The following DNAI4 variants were observed in gnomAD, a reference collection of about 807,000 sequenced individuals.
DNAI4 encodes the protein dynein axonemal intermediate chain 4.
In DNAI4, 85 loss-of-function variants were observed where a neutral mutation model predicts 105.8. The ratio of observed to expected loss-of-function variants is 0.80; its 90% CI spans 0.67 to 0.96. The LOEUF is 0.96. Among genes scored for constraint, DNAI4 ranks in the 40% least tolerant of loss-of-function variants. The pLI is 0.00. For synonymous variants in DNAI4, 352 were observed against 331.5 expected (o/e 1.06, Z -0.67); for missense variants, 1,014 against 1,005.6 (o/e 1.01, Z -0.11).
At position 66,818,160 on chromosome 1, in the gene DNAI4, CA is replaced by C. The variant is rs1645555907; in HGVS notation, c.2497-3981del. ...GCCATATTGGAATGTCTAACAGAAA[CA>C]TTTGCTTCTTATATAAATGTGTAAT... On this transcript the variant is annotated intron_variant, in intron 16 of 16. Coordinates refer to ENST00000371026, the MANE Select transcript of DNAI4 (RefSeq NM_024763.5). 2.6e-5 allele frequency among the ~76,000 whole-genome samples: 4 copies of C among 151,906 alleles called. No homozygotes were observed. In the South Asian group the frequency reaches 8.3e-4, roughly 32 times the overall value.
At chr1:66,888,397 G>A (rs1647320278) in intron 4 of DNAI4, among the ~76,000 whole-genome samples, 1 of 152,056 alleles carries the variant, frequency 6.6e-6, no homozygotes, top group Non-Finnish European at 1.5e-5. Flanking sequence ...CTTTGTAGTT[G>A]GAATTCACCA....
intron 4 of DNAI4, among the ~76,000 whole-genome samples, chr1:66,889,121 T>TTC (rs1260183026): frequency 6.6e-6 from 1 of 152,178 alleles, no homozygotes; most frequent in African/African-American, 2.4e-5. Context: ...TCCAAACCCT[T>TTC]TCTCTCTCTC....
chr1:66,849,996 C>A (rs1221923446), intron 7 of DNAI4, among the ~76,000 whole-genome samples: 2 of 151,984 alleles, frequency 1.3e-5, no homozygotes, highest in East Asian at 1.9e-4. Context: ...TGAAAAAGTA[C>A]TTAAAGAAAT....
In DNAI4 at chr1:66,921,894, A is replaced by C. The variant is rs1010171114; in HGVS notation, c.170+2768T>G. On this transcript the variant is annotated intron_variant, in intron 1 of 16. Coordinates refer to ENST00000371026, the MANE Select transcript of DNAI4 (RefSeq NM_024763.5). ...AGCAGGTACACAATAAACTTGTAGA[A>C]ATTTTTTTTTTTTTTTTTTTGAGGT... 3.5e-5 allele frequency among the ~76,000 whole-genome samples: 4 copies of C among 113,016 alleles called. No individual in the cohort carries two copies. In the East Asian group the frequency reaches 8.1e-4, roughly 23 times the overall value. 74.1% of individuals were successfully genotyped at this position (113,016 alleles called of 152,430 possible). A position where few individuals can be genotyped will look rare whatever the true frequency, so the allele number is the denominator to read the frequency against.
intron 2 of DNAI4, among the ~76,000 whole-genome samples, chr1:66,897,453 G>T (rs886301596): frequency 6.6e-6 from 1 of 152,204 alleles, no homozygotes; most frequent in Non-Finnish European, 1.5e-5. Flanking sequence ...GAAACCATTT[G>T]CTAAGGAGTT....
At chr1:66,889,327 T>C (rs1647396162) in intron 4 of DNAI4, among the ~76,000 whole-genome samples, 1 of 152,182 alleles carries the variant, frequency 6.6e-6, no homozygotes, top group African/African-American at 2.4e-5. Context: ...GATGGTGCTA[T>C]TGCCCTTCTC....
intron 16 of DNAI4, among the ~76,000 whole-genome samples, chr1:66,814,590 G>C (rs1027328463): frequency 7.2e-5 from 11 of 152,084 alleles, no homozygotes; most frequent in Non-Finnish European, 1.2e-4. Flanking sequence ...GGATGGTCTC[G>C]ATCTCCTGAC....
In DNAI4 at chr1:66,875,855, AAATT is replaced by A. The variant is rs145734446; in HGVS notation, c.644-922_644-919del. Among the ~76,000 whole-genome samples, 1,075 of 152,276 alleles carry A rather than the reference AAATT, an allele frequency of 7.1e-3. 6 individuals are homozygous for A. Among genetic ancestry groups the A allele is most frequent in the African/African-American group, 0.024 (1,014 of 41,574 alleles). On this transcript the variant is annotated intron_variant, in intron 4 of 16. Transcript: ENST00000371026. Reference sequence around the variant, plus strand: ...TCATCAACATTTTTAATGACTAAATAAATTATGATATACCATCTATGACTAATAA... The same window carrying A: ...TCATCAACATTTTTAATGACTAAATAATGATATACCATCTATGACTAATAA...
intron 5 of DNAI4, 150 bp from the exon 6 acceptor site, chr1:66,871,659 G>A: frequency 1.4e-6 from 1 of 723,836 alleles, no homozygotes; most frequent in Non-Finnish European, 2.2e-6. Context: ...CTTAGGAAAA[G>A]ACTGCACTAA....
chr1:66,870,658 A>T (rs143507555), intron 6 of DNAI4: 36 of 135,956 alleles, frequency 2.6e-4, no homozygotes, highest in Admixed American at 2.2e-3. Flanking sequence ...GCTGAGGGGG[A>T]GAATTGCTTG....
chr1:66,924,842 G>C lies in DNAI4; in HGVS notation c.-11C>G, dbSNP rs1651065928. 6.2e-7 allele frequency: 1 copy of C among 1,613,412 alleles called. No homozygotes were observed. ...TTTGCCGGGCGTCATGGCGACGGTG[G>C]AGCCCTGGCTCAACAAGCGGCCGCG... On this transcript the variant is annotated 5_prime_UTR_variant, in exon 1 of 17. Coordinates refer to ENST00000371026, the MANE Select transcript of DNAI4 (RefSeq NM_024763.5).
chr1:66,911,630 CAAAT>C (rs1232939214), intron 1 of DNAI4, among the ~76,000 whole-genome samples: 6 of 152,150 alleles, frequency 3.9e-5, no homozygotes, highest in African/African-American at 1.2e-4. Flanking sequence ...GATCAAAGAC[CAAAT>C]AAATATTTAT....
At chr1:66,914,370 T>C (rs1649909445) in intron 1 of DNAI4, among the ~76,000 whole-genome samples, 2 of 152,192 alleles carry the variant, frequency 1.3e-5, no homozygotes, top group Non-Finnish European at 2.9e-5. Context: ...TCTGTTAAGA[T>C]AAAAACCAGT....
intron 1 of DNAI4, among the ~76,000 whole-genome samples, chr1:66,917,067 A>G (rs1005331774): frequency 3.9e-5 from 6 of 152,214 alleles, no homozygotes; most frequent in South Asian, 4.1e-4. Context: ...TAGGTCCCCT[A>G]AAGTCCAAAA....
chr1:66,892,991 AAGAAAG>A (rs1647846815), intron 3 of DNAI4, among the ~76,000 whole-genome samples: 1 of 108,004 alleles, frequency 9.3e-6, no homozygotes, highest in Non-Finnish European at 2.0e-5. Context: ...GAAAGAAAGA[AAGAAAG>A]AGAGAAAGAG....
chr1:66,892,347 C>T (rs1478763633), intron 3 of DNAI4, among the ~76,000 whole-genome samples: 4 of 152,060 alleles, frequency 2.6e-5, no homozygotes, highest in African/African-American at 9.7e-5. Context: ...CAGAGATTTG[C>T]ATGGGAGAGG....
intron 4 of DNAI4, among the ~76,000 whole-genome samples, chr1:66,881,949 C>CT (rs1357532933): frequency 6.6e-6 from 1 of 152,164 alleles, no homozygotes; most frequent in Non-Finnish European, 1.5e-5. Flanking sequence ...GTGAATGCGT[C>CT]TCAAGAGATC....
At chr1:66,894,723 T>G (rs1333132961) in intron 2 of DNAI4, among the ~76,000 whole-genome samples, 3 of 152,158 alleles carry the variant, frequency 2.0e-5, no homozygotes, top group African/African-American at 7.2e-5. Flanking sequence ...CTTTCCCCAT[T>G]ACTCTGCAGT....
At chr1:66,840,794 T>C (rs1481313518) in intron 8 of DNAI4, 123 bp from the exon 9 acceptor site, 32 of 1,004,356 alleles carry the variant, frequency 3.2e-5, no homozygotes, top group Middle Eastern at 3.2e-4. Context: ...CTGGATCATA[T>C]GGTGCAAGTG....
Sources: gnomAD v4.1 joint callset for allele counts (sites outside exome capture counted in the v4.1 genomes callset) on GRCh38, gnomAD v4.1.1 for gene constraint, MANE v1.5 for transcripts, NCBI Gene and HGNC (gene_info 2026-07-23, HGNC 2026-07-21) for gene names.